AAMDC: variants seen among roughly 807,000 people sequenced by gnomAD.
AAMDC encodes adipogenesis associated Mth938 domain containing, also known as mth938 domain-containing protein.
A neutral mutation model predicts 15.5 loss-of-function variants in AAMDC; 16 were observed. That is an observed-to-expected ratio of 1.03 (90% confidence interval 0.70 to 1.57). The LOEUF (loss-of-function observed/expected upper bound fraction) is 1.57. Among genes scored for constraint, AAMDC ranks in the 40% most tolerant of loss-of-function variants. AAMDC has a pLI of 0.00. For missense variants in AAMDC, 141 were observed against 144.9 expected (o/e 0.97, Z 0.14); for synonymous variants, 51 against 51.6 (o/e 0.99, Z 0.05).
At chr11:77,890,294 A>G (rs1442221513) in intron 5 of AAMDC, among the ~76,000 whole-genome samples, 1 of 152,220 alleles carries the variant, frequency 6.6e-6, no homozygotes, top group Non-Finnish European at 1.5e-5. Context: ...ATAGCCAAAA[A>G]GCATAATCTT....
intron 5 of AAMDC, among the ~76,000 whole-genome samples, chr11:77,879,927 C>A (rs1272542330): frequency 6.6e-6 from 1 of 152,192 alleles, no homozygotes; most frequent in African/African-American, 2.4e-5. Context: ...AAGACTGTCA[C>A]AATCTTGGCA....
chr11:77,858,339 G>A (rs535637152), intron 2 of AAMDC, among the ~76,000 whole-genome samples: 303 of 126,838 alleles, frequency 2.4e-3, no homozygotes, highest in Middle Eastern at 4.5e-3. Flanking sequence ...TAGTTGCAAG[G>A]TTTAATAGAG....
intron 2 of AAMDC, among the ~76,000 whole-genome samples, chr11:77,858,671 C>T (rs1037282711): frequency 7.9e-5 from 12 of 151,990 alleles, no homozygotes; most frequent in Admixed American, 7.2e-4. Context: ...GGAGGTTGGC[C>T]GATGACCGCT....
At chr11:77,832,947 ATATATGTGTGTGTGTG>A (rs1949501889) in intron 1 of AAMDC, among the ~76,000 whole-genome samples, 1 of 83,698 alleles carries the variant, frequency 1.2e-5, no homozygotes, top group African/African-American at 5.7e-5. Context: ...TATTGTATAT[ATATATGTGTGTGTGTG>A]TGTGTGTGTG....
chr11:77,833,105 G>C lies in AAMDC; in HGVS notation c.-18-9374G>C, dbSNP rs1395601282. On this transcript the variant is annotated intron_variant, in intron 1 of 3. Transcript: ENST00000393427. ...ATATCAGTGCAACCTCAATCTCCGA[G>C]GTTCAAGCAATTCTCCTGCCTCGGC... Among the ~76,000 whole-genome samples, 10 of 147,914 alleles carry C rather than the reference G, an allele frequency of 6.8e-5. No individual in the cohort carries two copies. The Admixed American group carries it at 6.9e-4, about 10-fold the overall frequency.
intron 5 of AAMDC, among the ~76,000 whole-genome samples, chr11:77,896,106 TA>T (rs1952506201): frequency 6.6e-6 from 1 of 152,160 alleles, no homozygotes; most frequent in Admixed American, 6.5e-5. Context: ...AAAACTTTTT[TA>T]AAAATTCTAA....
At chr11:77,901,452 G>T (rs1456712760), downstream of AAMDC, 3 of 1,613,902 alleles carry the variant, frequency 1.9e-6, no homozygotes, top group Non-Finnish European at 2.5e-6. Flanking sequence ...ACTATAAGTT[G>T]CAAAGCTTTG....
downstream of AAMDC, among the ~76,000 whole-genome samples, chr11:77,902,311 T>C (rs888310215): frequency 9.9e-5 from 15 of 152,160 alleles, no homozygotes; most frequent in Non-Finnish European, 5.9e-5. Flanking sequence ...GTATCTGGTA[T>C]ACAGCAATGG....
chr11:77,858,194 AT>A (rs71046920), intron 2 of AAMDC, among the ~76,000 whole-genome samples: 55,101 of 130,534 alleles, frequency 0.42, 11,028 homozygotes, highest in East Asian at 0.62. Flanking sequence ...AATATATATA[AT>A]TTTTTTTTTT....
intron 3 of AAMDC, among the ~76,000 whole-genome samples, chr11:77,870,472 G>A (rs888068324): frequency 6.6e-6 from 1 of 151,082 alleles, no homozygotes; most frequent in Non-Finnish European, 1.5e-5. Flanking sequence ...GAGTAGCTGG[G>A]ACTACAGGCG....
intron 2 of AAMDC, among the ~76,000 whole-genome samples, chr11:77,848,423 T>C (rs551543788): frequency 6.6e-6 from 1 of 151,270 alleles, no homozygotes; most frequent in East Asian, 2.0e-4. Flanking sequence ...CAGGGCGTGA[T>C]CTCGGCACAC....
intron 1 of AAMDC, among the ~76,000 whole-genome samples, chr11:77,837,756 A>G (rs1021603327): frequency 6.6e-6 from 1 of 152,062 alleles, no homozygotes; most frequent in Non-Finnish European, 1.5e-5. Flanking sequence ...TATTTTTTAG[A>G]TGGACATTCA....
At chr11:77,821,646 G>T (rs1366663672) in intron 1 of AAMDC, among the ~76,000 whole-genome samples, 1 of 151,996 alleles carries the variant, frequency 6.6e-6, no homozygotes, top group Non-Finnish European at 1.5e-5. Context: ...TGTGGGCTGG[G>T]ACTCCATTGA....
intron 5 of AAMDC, among the ~76,000 whole-genome samples, chr11:77,885,239 G>A (rs1389831703): frequency 1.3e-5 from 2 of 151,828 alleles, no homozygotes; most frequent in Non-Finnish European, 2.9e-5. Context: ...CGTCATGCCC[G>A]GCTAATTTTG....
downstream of AAMDC, chr11:77,903,767 T>C: frequency 1.6e-6 from 1 of 644,628 alleles, no homozygotes. Flanking sequence ...ATAAGCTGTA[T>C]CTATTATGGA....
At chr11:77,876,037 G>A (rs1344974675), downstream of AAMDC, among the ~76,000 whole-genome samples, 1 of 152,146 alleles carries the variant, frequency 6.6e-6, no homozygotes, top group Non-Finnish European at 1.5e-5. Context: ...GGTGTGGTCA[G>A]ATCAGCTCAT....
intron 1 of AAMDC, among the ~76,000 whole-genome samples, chr11:77,823,080 G>A (rs888674397): frequency 1.3e-5 from 2 of 151,914 alleles, no homozygotes; most frequent in African/African-American, 4.8e-5. Flanking sequence ...CGGGCGTGGT[G>A]GCGGCGGGCC....
At chr11:77,877,775 G>GTTTT (rs1438944957) in intron 5 of AAMDC, among the ~76,000 whole-genome samples, 4 of 151,800 alleles carry the variant, frequency 2.6e-5, no homozygotes, top group Non-Finnish European at 5.9e-5. Context: ...CAGAGATGGG[G>GTTTT]TCTCGCTATG....
chr11:77,890,146 A>G (rs1271881122), intron 5 of AAMDC, among the ~76,000 whole-genome samples: 4 of 152,178 alleles, frequency 2.6e-5, no homozygotes, highest in South Asian at 2.1e-4. Context: ...ACTAATGTGG[A>G]AAAAAACAAA....
Sources: allele counts gnomAD v4.1 joint callset (sites outside exome capture counted in the v4.1 genomes callset), GRCh38; gene constraint gnomAD v4.1.1; transcripts MANE v1.5; gene names NCBI Gene and HGNC (gene_info 2026-07-23, HGNC 2026-07-21).